Variants in URI1 observed in about 807,000 individuals in gnomAD.
The protein encoded by URI1 is unconventional prefoldin RPB5 interactor 1.
In URI1, 39 loss-of-function variants were observed where a neutral mutation model predicts 60.2. That is an observed-to-expected ratio of 0.65 (90% CI 0.50 to 0.85). The LOEUF is 0.85. Ranked by LOEUF, URI1 falls within the 40% of genes least tolerant of loss-of-function variation. URI1 has a pLI of 0.00. For synonymous variants in URI1, 251 were observed against 236.8 expected (o/e 1.06, Z -0.55); for missense variants, 691 against 665.9 (o/e 1.04, Z -0.42).
At chr19:30,000,726 C>T (rs1236898711) in intron 4 of URI1, among the ~76,000 whole-genome samples, 2 of 151,952 alleles carry the variant, frequency 1.3e-5, no homozygotes, top group African/African-American at 4.8e-5. Flanking sequence ...ATCTGGAATA[C>T]AACAGTGGTA....
chr19:29,961,826 C>T (rs1479496627), intron 1 of URI1, among the ~76,000 whole-genome samples: 3 of 152,036 alleles, frequency 2.0e-5, no homozygotes, highest in Non-Finnish European at 2.9e-5. Context: ...GCTGAGATTA[C>T]AGGCATGCAC....
intron 1 of URI1, chr19:29,958,214 T>A (rs984530069): frequency 3.3e-5 from 5 of 152,226 alleles, no homozygotes; most frequent in African/African-American, 1.2e-4. Context: ...AGTTTTTTTT[T>A]ATGGTTGTTT....
intron 3 of URI1, 88 bp from the exon 4 acceptor site, chr19:29,986,194 T>C (rs947011300): frequency 1.5e-6 from 2 of 1,303,970 alleles, no homozygotes; most frequent in Non-Finnish European, 1.0e-6. Flanking sequence ...AATTCAGTTA[T>C]GTAAGGCTTT....
chr19:29,986,185 A>T (rs2055665632), intron 3 of URI1, 97 bp from the exon 4 acceptor site: 3 of 1,212,178 alleles, frequency 2.5e-6, no homozygotes, highest in South Asian at 4.8e-5. Context: ...AAATAAAAAA[A>T]TTCAGTTATG....
At chr19:29,980,792 C>T (rs1166798573) in intron 2 of URI1, among the ~76,000 whole-genome samples, 5 of 151,070 alleles carry the variant, frequency 3.3e-5, no homozygotes, top group Admixed American at 2.0e-4. Flanking sequence ...TGCGGTGGCG[C>T]GTGCCTATAA....
chr19:29,976,972 C>T (rs1194032815), intron 2 of URI1, among the ~76,000 whole-genome samples: 1 of 152,088 alleles, frequency 6.6e-6, no homozygotes, highest in Non-Finnish European at 1.5e-5. Context: ...AAATACTCAA[C>T]ATTTTTTTAT....
rs991382233 is a variant in URI1 at position 30,008,607 on chromosome 19, A to G, written c.687-398A>G. 3.3e-5 allele frequency among the ~76,000 whole-genome samples: 5 copies of G among 152,048 alleles called. No homozygotes were observed. In the East Asian group the frequency reaches 9.6e-4, roughly 29 times the overall value. On this transcript the variant is annotated intron_variant, in intron 7 of 10. Coordinates refer to ENST00000392271, the MANE Select transcript of URI1 (RefSeq NM_003796.3). ...TTAAAAATTACAATAATACATGCTC[A>G]TTGTAAAATATTCTGAGTATAGGAG...
chr19:29,942,562 C>A lies in URI1; in HGVS notation c.15C>A (p.Thr5=). 1 of 1,421,166 alleles carries A rather than the reference C, an allele frequency of 7.0e-7. No individual in the cohort carries two copies. The highest frequency in any genetic ancestry group is 9.2e-7 in the Non-Finnish European group (1 of 1,088,542). 88.0% of individuals were successfully genotyped at this position (1,421,166 alleles called of 1,614,324 possible). ...GCGGGCCCGTCATGGAGGCGCCCAC[C>A]GTGGAGACGCCCCCCGACCCCTCGC... The part of the protein sequence containing the change: MEAP[T]VETPPDPSPP... Residue 5 remains threonine, a synonymous_variant, in exon 1 of 11, where the codon ACC becomes ACA. Coordinates refer to ENST00000392271, the MANE Select transcript of URI1 (RefSeq NM_003796.3).
chr19:29,989,178 T>G (rs1471641007), intron 4 of URI1, among the ~76,000 whole-genome samples: 1 of 151,924 alleles, frequency 6.6e-6, no homozygotes, highest in East Asian at 1.9e-4. Flanking sequence ...TGGGGCGATC[T>G]TGGCTCACTG....
chr19:29,956,571 C>A, intron 1 of URI1: 1 of 1,518,038 alleles, frequency 6.6e-7, no homozygotes. Context: ...ATTCATCTTT[C>A]TGGGCTTGAG....
intron 1 of URI1, among the ~76,000 whole-genome samples, chr19:29,969,894 G>A (rs1285470964): frequency 6.6e-6 from 1 of 151,918 alleles, no homozygotes; most frequent in East Asian, 1.9e-4. Flanking sequence ...ATTATATATT[G>A]CCACTGTTAT....
intron 2 of URI1, among the ~76,000 whole-genome samples, chr19:29,976,823 T>G (rs962201750): frequency 1.1e-4 from 17 of 152,222 alleles, no homozygotes; most frequent in African/African-American, 4.1e-4. Flanking sequence ...GGTAAAGGTA[T>G]CTTTGAAATT....
chr19:29,969,168 A>C (rs1181954825), intron 1 of URI1, among the ~76,000 whole-genome samples: 1 of 152,190 alleles, frequency 6.6e-6, no homozygotes, highest in Non-Finnish European at 1.5e-5. Context: ...ATATGTAACT[A>C]ATAAAGACTT....
intron 4 of URI1, among the ~76,000 whole-genome samples, chr19:29,996,048 AC>A (rs939554537): frequency 3.9e-5 from 6 of 152,170 alleles, no homozygotes; most frequent in Non-Finnish European, 7.4e-5. Context: ...GATGAGACTT[AC>A]AACTTAGTTT....
chr19:29,991,554 AT>A (rs1030488405), intron 4 of URI1, among the ~76,000 whole-genome samples: 1 of 151,014 alleles, frequency 6.6e-6, no homozygotes, highest in Admixed American at 6.6e-5. Flanking sequence ...AATAGCTCCT[AT>A]TTTTTTTTAT....
intron 4 of URI1, among the ~76,000 whole-genome samples, chr19:30,002,431 C>T (rs2055890389): frequency 6.6e-6 from 1 of 152,062 alleles, no homozygotes; most frequent in East Asian, 1.9e-4. Context: ...TTTTTCATAG[C>T]TAACTCAAAG....
intron 4 of URI1, among the ~76,000 whole-genome samples, chr19:29,993,464 A>G (rs2055771586): frequency 6.6e-6 from 1 of 152,324 alleles, no homozygotes; most frequent in Non-Finnish European, 1.5e-5. Context: ...AACTTACTTG[A>G]TTTTGAGAAA....
At chr19:29,993,054 G>T (rs529776304) in intron 4 of URI1, among the ~76,000 whole-genome samples, 1 of 152,248 alleles carries the variant, frequency 6.6e-6, no homozygotes, top group East Asian at 1.9e-4. Context: ...GTTCAGAATT[G>T]TATCTGACAC....
chr19:29,973,429 A>C (rs1321376847), intron 2 of URI1, among the ~76,000 whole-genome samples: 1 of 152,216 alleles, frequency 6.6e-6, no homozygotes, highest in Non-Finnish European at 1.5e-5. Flanking sequence ...CTAGTCTAAA[A>C]TATAATTTCT....
Sources: allele counts gnomAD v4.1 joint callset (sites outside exome capture counted in the v4.1 genomes callset), GRCh38; gene constraint gnomAD v4.1.1; transcripts MANE v1.5; gene names NCBI Gene and HGNC (gene_info 2026-07-23, HGNC 2026-07-21).